The following CHRM4 variants were observed in gnomAD, a reference collection of about 807,000 sequenced individuals.
CHRM4 encodes the protein muscarinic acetylcholine receptor M4.
CHRM4 carries 5 observed loss-of-function variants against 26.3 expected under a neutral mutation model. The observed-to-expected ratio is 0.19, with a 90% CI of 0.10 to 0.40. CHRM4 has a LOEUF of 0.40. Among genes scored for constraint, CHRM4 ranks in the 10% least tolerant of loss-of-function variants. CHRM4 has a pLI of 1.00. For synonymous variants in CHRM4, 290 were observed against 285.3 expected, an observed-to-expected ratio of 1.02 and a Z score of -0.16; for missense variants, 402 against 664.5, an observed-to-expected ratio of 0.60 and a Z score of 4.34.
In CHRM4 at chr11:46,385,264, CAGGG is replaced by C; in HGVS notation, c.1290_1293del (p.Ile430MetfsTer56). 1 of 1,614,100 alleles carries C rather than the reference CAGGG, an allele frequency of 6.2e-7. No homozygotes were observed. Among genetic ancestry groups the C allele is most frequent in the Non-Finnish European group, 8.5e-7 (1 of 1,180,006 alleles). On this transcript the variant is annotated frameshift_variant, in exon 2 of 2. Coordinates refer to ENST00000682254, the MANE Select transcript of CHRM4 (RefSeq NM_000741.5). LOFTEE classifies it high-confidence loss of function. This position sits in a 1 kb window ranked among gnomAD's most constrained non-coding sequence, Gnocchi z 6.3. ...CAGTAGCCAATGGACCACACCGTGT[CAGGG>C]ATGCAGCTCTGGCAGAAGGTGTTCA...
Position 46,384,588 on chromosome 11 carries a change from GC to G in CHRM4, c.*529del, listed in dbSNP as rs1565103404. Reference sequence around the variant, plus strand: ...CTCCATCATACCCACCCAGAACCTGGCTAAGTAGCTGCAGCCAGAGGAGATT... The same window carrying G: ...CTCCATCATACCCACCCAGAACCTGGTAAGTAGCTGCAGCCAGAGGAGATT... On this transcript the variant is annotated 3_prime_UTR_variant, in exon 2 of 2. Transcript: ENST00000682254. Among the ~76,000 whole-genome samples the G allele has an allele frequency of 1.3e-5, 2 of 152,198 alleles. No homozygotes were observed. The highest frequency in any genetic ancestry group is 4.8e-5 in the African/African-American group (2 of 41,452).
Position 46,385,697 on chromosome 11 carries a change from C to T in CHRM4, c.861G>A (p.Val287=). The T allele has an allele frequency of 6.4e-7, 1 of 1,553,294 alleles. No individual in the cohort carries two copies. The highest frequency in any genetic ancestry group is 8.7e-7 in the Non-Finnish European group (1 of 1,152,248). Reference sequence around the variant, plus strand: ...ACTCATTGGAAGTGTCCTTATCAGCCACGGGGCGCGGTGGCGGTGGCAGCG... The same window carrying T: ...ACTCATTGGAAGTGTCCTTATCAGCTACGGGGCGCGGTGGCGGTGGCAGCG... The part of the protein sequence containing the change: ...PPALPPPPRP[V]ADKDTSNESS... Residue 287 remains valine (V), a synonymous_variant, in exon 2 of 2, where the codon GTG becomes GTA. Coordinates refer to ENST00000682254, the MANE Select transcript of CHRM4 (RefSeq NM_000741.5). The surrounding 1 kb of genome is among the most constrained non-coding windows in gnomAD (Gnocchi z 6.3).
chr11:46,385,836 G>T lies in CHRM4; in HGVS notation c.722C>A (p.Thr241Lys). The T allele has an allele frequency of 6.2e-7, 1 of 1,603,524 alleles. No homozygotes were observed. Residue 241 changes from threonine to lysine, a missense_variant, in exon 2 of 2, where the codon ACG (threonine) becomes AAG (lysine). By Grantham distance (78) the Thr-to-Lys change is moderately conservative. Transcript: ENST00000682254. This position sits in a 1 kb window ranked among gnomAD's most constrained non-coding sequence, Gnocchi z 6.3. ...PEGPKEKKAKTLAFLKSPLMK... is the reference protein window; with the variant it reads ...PEGPKEKKAKKLAFLKSPLMK... ...TAGTGGGCTCTTGAGGAAGGCCAGC[G>T]TCTTGGCTTTCTTCTCCTTCGGGCC...
rs1377116100 is a variant in CHRM4 at position 46,385,258 on chromosome 11, C to A, written c.1300G>T (p.Val434Leu). Residue 434 changes from valine (V) to leucine (L), a missense_variant, in exon 2 of 2, where the codon GTG becomes TTG. Transcript: ENST00000682254. This position sits in a 1 kb window ranked among gnomAD's most constrained non-coding sequence, Gnocchi z 6.3. Reference protein sequence around the residue: ...TFCQSCIPDTVWSIGYWLCYV... With the variant: ...TFCQSCIPDTLWSIGYWLCYV... ...CAGAGCCAGTAGCCAATGGACCACA[C>A]CGTGTCAGGGATGCAGCTCTGGCAG... 2 of 1,614,108 alleles carry A rather than the reference C, an allele frequency of 1.2e-6. No individual in the cohort carries two copies. Among genetic ancestry groups the A allele is most frequent in the East Asian group, 4.5e-5 (2 of 44,890 alleles).
rs1945389425 is a variant in CHRM4, at chr11:46,391,295, A to G, written c.-30+236T>C. 6.6e-6 allele frequency among the ~76,000 whole-genome samples: 1 copy of G among 151,902 alleles called. No individual in the cohort carries two copies. Among genetic ancestry groups the G allele is most frequent in the African/African-American group, 2.4e-5 (1 of 41,342 alleles). ...GCCGCCAGTGGGAGGGCTGGAGTAC[A>G]GGGTCCCACCCCCGACGGCTGCCCC... On this transcript the variant is annotated intron_variant, in intron 1 of 1. Transcript: ENST00000682254. The surrounding 1 kb of genome is among the most constrained non-coding windows in gnomAD (Gnocchi z 6.3).
At position 46,391,699 on chromosome 11, in the gene CHRM4, G is replaced by A. The variant is rs1413682409; in HGVS notation, c.-198C>T. Among the ~76,000 whole-genome samples, 1 of 148,862 alleles carries A rather than the reference G, an allele frequency of 6.7e-6. No homozygotes were observed. On this transcript the variant is annotated 5_prime_UTR_variant, in exon 1 of 2. Coordinates refer to ENST00000682254, the MANE Select transcript of CHRM4 (RefSeq NM_000741.5). The surrounding 1 kb of genome is among the most constrained non-coding windows in gnomAD (Gnocchi z 6.3). Reference sequence around the variant, plus strand: ...GCCCCGCGGGCCGGCGGGGCGGGCGGCCGGGCCGAGGGCCGGGGGCGGGGA... The same window carrying A: ...GCCCCGCGGGCCGGCGGGGCGGGCGACCGGGCCGAGGGCCGGGGGCGGGGA...
rs1412643107 is a variant in CHRM4 at position 46,391,142 on chromosome 11, C to A, written c.-30+389G>T. On this transcript the variant is annotated intron_variant, in intron 1 of 1. Transcript: ENST00000682254. The surrounding 1 kb of genome is among the most constrained non-coding windows in gnomAD (Gnocchi z 6.3). ...GGTGTTTTCCGTCGGGGCTCAAGGT[C>A]GTAGATGGAGGACTCCAGGGGCCGG... Among the ~76,000 whole-genome samples, 1 of 139,642 alleles carries A rather than the reference C, an allele frequency of 7.2e-6. No homozygotes were observed. Among genetic ancestry groups the A allele is most frequent in the Non-Finnish European group, 1.5e-5 (1 of 65,756 alleles). The allele number at this position is 139,642 out of a possible 152,430, so 91.6% of individuals were successfully genotyped here.
chr11:46,388,621 C>T (rs919472080), intron 1 of CHRM4, among the ~76,000 whole-genome samples: 23 of 152,218 alleles, frequency 1.5e-4, no homozygotes, highest in African/African-American at 5.1e-4. Context: ...GGTCACACAA[C>T]GAGTCAAGGG....
chr11:46,389,719 C>G (rs566694713), intron 1 of CHRM4, among the ~76,000 whole-genome samples: 1 of 152,224 alleles, frequency 6.6e-6, no homozygotes. Context: ...TCGCCAGGCC[C>G]CGTCGGACGC....
chr11:46,389,292 G>T (rs1309675659), intron 1 of CHRM4, among the ~76,000 whole-genome samples: 1 of 152,216 alleles, frequency 6.6e-6, no homozygotes, highest in Non-Finnish European at 1.5e-5. Flanking sequence ...GACAAGCGAT[G>T]TCTTGTCTTC....
chr11:46,383,827 A>C lies in CHRM4; in HGVS notation c.*1291T>G. ...TAAAAGCTCTTCTTTTTTAATATAT[A>C]AAAGCCCCTTCCCAAGGAGTTTGCT... On this transcript the variant is annotated 3_prime_UTR_variant, in exon 2 of 2. Transcript: ENST00000682254. 2.5e-6 allele frequency: 1 copy of C among 403,988 alleles called. No individual in the cohort carries two copies. The highest frequency in any genetic ancestry group is 4.7e-6 in the Non-Finnish European group (1 of 210,922). The allele number at this position is 403,988 out of a possible 1,614,324, so 25.0% of individuals were successfully genotyped here. A position where few individuals can be genotyped will look rare whatever the true frequency, so the allele number is the denominator to read the frequency against.
Position 46,384,208 on chromosome 11 carries a change from C to G in CHRM4, c.*910G>C, listed in dbSNP as rs1945306492. 1.3e-5 allele frequency among the ~76,000 whole-genome samples: 2 copies of G among 152,242 alleles called. No homozygotes were observed. Among genetic ancestry groups the G allele is most frequent in the Admixed American group, 1.3e-4 (2 of 15,290 alleles). On this transcript the variant is annotated 3_prime_UTR_variant, in exon 2 of 2. Coordinates refer to ENST00000682254, the MANE Select transcript of CHRM4 (RefSeq NM_000741.5). ...CGAGGGCTGCGTGCCTACCTCACTG[C>G]CCACCTCCCCCCTTCCCACTGTCAT...
rs201622884 is a variant in CHRM4, at chr11:46,386,009, G to C, written c.549C>G (p.Asn183Lys). Residue 183 changes from asparagine (N) to lysine (K), a missense_variant, in exon 2 of 2, where the codon AAC becomes AAG. Physicochemically the swap from Asn to Lys is moderately conservative, Grantham distance 94. Coordinates refer to ENST00000682254, the MANE Select transcript of CHRM4 (RefSeq NM_000741.5). This position sits in a 1 kb window ranked among gnomAD's most constrained non-coding sequence, Gnocchi z 5.8. ...TGGACAGGAACTGGATGAAGCACTGGTTGTCGGGCACCGTCCGCTTACCCA... is the reference window on the plus strand; with the variant it reads ...TGGACAGGAACTGGATGAAGCACTGCTTGTCGGGCACCGTCCGCTTACCCA... ...FVVGKRTVPD[N>K]QCFIQFLSNP... 1.2e-6 allele frequency: 2 copies of C among 1,613,270 alleles called. No individual in the cohort carries two copies. The highest frequency in any genetic ancestry group is 1.7e-6 in the Non-Finnish European group (2 of 1,179,818).
rs1228060508 is a variant in CHRM4 at position 46,386,275 on chromosome 11, T to G, written c.283A>C (p.Lys95Gln). 12 of 1,613,826 alleles carry G rather than the reference T, an allele frequency of 7.4e-6. No individual in the cohort carries two copies. The highest frequency in any genetic ancestry group is 7.6e-6 in the Non-Finnish European group (9 of 1,179,860). The change falls in exon 2 of 2, where the codon AAG (lysine) becomes CAG (glutamine). Residue 95 changes from lysine (K) to glutamine (Q), a missense_variant. Lys to Gln is a moderately conservative substitution (Grantham distance 53). Transcript: ENST00000682254. This position sits in a 1 kb window ranked among gnomAD's most constrained non-coding sequence, Gnocchi z 5.8. Reference protein sequence around the residue: ...SMNLYTVYIIKGYWPLGAVVC... With the variant: ...SMNLYTVYIIQGYWPLGAVVC... Reference sequence around the variant, plus strand: ...ACGGCGCCCAGGGGCCAGTAGCCCTTGATGATGTACACGGTGTAGAGGTTC... The same window carrying G: ...ACGGCGCCCAGGGGCCAGTAGCCCTGGATGATGTACACGGTGTAGAGGTTC...
chr11:46,385,078 C>T lies in CHRM4; in HGVS notation c.*40G>A, dbSNP rs1320699488. 9.1e-6 allele frequency: 14 copies of T among 1,535,528 alleles called. No individual in the cohort carries two copies. The highest frequency in any genetic ancestry group is 1.9e-5 in the Admixed American group (1 of 51,892). ...TGAGCCGTGTGGTCCCCCCAGCACA[C>T]GCACGCAACACCAGCACCTCCTAGG... On this transcript the variant is annotated 3_prime_UTR_variant, in exon 2 of 2. Coordinates refer to ENST00000682254, the MANE Select transcript of CHRM4 (RefSeq NM_000741.5). The surrounding 1 kb of genome is among the most constrained non-coding windows in gnomAD (Gnocchi z 6.3).
Position 46,383,859 on chromosome 11 carries a change from A to C in CHRM4, c.*1259T>G, listed in dbSNP as rs1945299639. On this transcript the variant is annotated 3_prime_UTR_variant, in exon 2 of 2. Transcript: ENST00000682254. ...CCTTCCCAAGGAGTTTGCTGTGGAA[A>C]TGTGTTTGGGAGTGGGAAGGTGGGG... is the stretch of plus-strand genomic sequence containing the variant. 2.7e-6 allele frequency: 1 copy of C among 368,168 alleles called. No individual in the cohort carries two copies. The highest frequency in any genetic ancestry group is 2.1e-5 in the African/African-American group (1 of 47,378). 22.8% of individuals were successfully genotyped at this position (368,168 alleles called of 1,614,324 possible). A position where few individuals can be genotyped will look rare whatever the true frequency, so the allele number is the denominator to read the frequency against.
rs200034949 is a variant in CHRM4, at chr11:46,385,864, C to T, written c.694G>A (p.Glu232Lys). 57 of 1,607,660 alleles carry T rather than the reference C, an allele frequency of 3.5e-5. No homozygotes were observed. The East Asian group carries it at 7.4e-4, about 21-fold the overall frequency. Residue 232 changes from glutamate to lysine, a missense_variant, in exon 2 of 2, where the codon GAG (glutamate) becomes AAG (lysine). Physicochemically the swap from Glu to Lys is moderately conservative, Grantham distance 56. Coordinates refer to ENST00000682254, the MANE Select transcript of CHRM4 (RefSeq NM_000741.5). This position sits in a 1 kb window ranked among gnomAD's most constrained non-coding sequence, Gnocchi z 6.3. Reference sequence around the variant, plus strand: ...TTGGCTTTCTTCTCCTTCGGGCCCTCGGGCCGGTGCTTGTGGACTCGGCTG... The same window carrying T: ...TTGGCTTTCTTCTCCTTCGGGCCCTTGGGCCGGTGCTTGTGGACTCGGCTG... ...SRSRVHKHRP[E>K]GPKEKKAKTL...
chr11:46,386,372 C>T lies in CHRM4; in HGVS notation c.186G>A (p.Gln62=). 3 of 1,614,064 alleles carry T rather than the reference C, an allele frequency of 1.9e-6. No individual in the cohort carries two copies. The highest frequency in any genetic ancestry group is 1.3e-5 in the African/African-American group (1 of 75,064). Residue 62 remains glutamine (Q), a synonymous_variant, in exon 2 of 2, where the codon CAG becomes CAA. Coordinates refer to ENST00000682254, the MANE Select transcript of CHRM4 (RefSeq NM_000741.5). The surrounding 1 kb of genome is among the most constrained non-coding windows in gnomAD (Gnocchi z 5.8). ...LVMLSIKVNR[Q]LQTVNNYFLF... ...GGAAGTAGTTGTTGACTGTCTGCAG[C>T]TGCCTGTTGACCTTGATGGACAGCA...
chr11:46,388,923 G>GT (rs1173279459), intron 1 of CHRM4, among the ~76,000 whole-genome samples: 1 of 152,250 alleles, frequency 6.6e-6, no homozygotes, highest in Non-Finnish European at 1.5e-5. Context: ...TGTTTATTGA[G>GT]TGTTAACTGC....
Sources: gnomAD v4.1 joint callset for allele counts (sites outside exome capture counted in the v4.1 genomes callset) on GRCh38, gnomAD v4.1.1 for gene constraint, Gnocchi (gnomAD v3.1) non-coding constraint, MANE v1.5 for transcripts, NCBI Gene and HGNC (gene_info 2026-07-23, HGNC 2026-07-21) for gene names.